The following PXK variants were observed in gnomAD, a reference collection of about 807,000 sequenced individuals.
The protein encoded by PXK is PX domain containing serine/threonine kinase like, also known as PX domain-containing protein kinase-like protein.
In PXK, 35 loss-of-function variants were observed where a neutral mutation model predicts 84.7. That is an observed-to-expected ratio of 0.41 (90% CI 0.32 to 0.55). PXK has a LOEUF of 0.55. Among genes scored for constraint, PXK ranks in the 20% least tolerant of loss-of-function variants. PXK has a pLI of 0.21. For synonymous variants in PXK, 253 were observed against 260.8 expected, an observed-to-expected ratio of 0.97 and a Z score of 0.29; for missense variants, 634 against 699.7, an observed-to-expected ratio of 0.91 and a Z score of 1.06.
At chr3:58,359,579 C>T (rs1444904552) in intron 1 of PXK, among the ~76,000 whole-genome samples, 1 of 151,352 alleles carries the variant, frequency 6.6e-6, no homozygotes, top group Non-Finnish European at 1.5e-5. Context: ...ATGAAGCAAT[C>T]GATGCGCAAA....
chr3:58,373,299 T>A (rs2098403746), intron 3 of PXK, among the ~76,000 whole-genome samples: 1 of 148,536 alleles, frequency 6.7e-6, no homozygotes, highest in Non-Finnish European at 1.5e-5. Flanking sequence ...AGGATGGTGA[T>A]CTCCTGACCT....
intron 2 of PXK, among the ~76,000 whole-genome samples, chr3:58,367,632 G>T (rs536662264): frequency 6.6e-6 from 1 of 152,246 alleles, no homozygotes; most frequent in African/African-American, 2.4e-5. Flanking sequence ...TTGATTTGAT[G>T]AAGAATGGAT....
At chr3:58,405,291 GA>G (rs1432567578) in intron 13 of PXK, among the ~76,000 whole-genome samples, 1 of 151,318 alleles carries the variant, frequency 6.6e-6, no homozygotes, top group African/African-American at 2.4e-5. Context: ...TTTTTAATTT[GA>G]AATTTTTACA....
At position 58,398,524 on chromosome 3, in the gene PXK, C is replaced by T. The variant is rs2058075636; in HGVS notation, c.1103-775C>T. Among the ~76,000 whole-genome samples, 1 of 152,160 alleles carries T rather than the reference C, an allele frequency of 6.6e-6. No homozygotes were observed. The highest frequency in any genetic ancestry group is 1.5e-5 in the Non-Finnish European group (1 of 68,018). On this transcript the variant is annotated intron_variant, in intron 11 of 17. Transcript: ENST00000356151. This position sits in a 1 kb window ranked among gnomAD's most constrained non-coding sequence, Gnocchi z 4.5. ...ATGCAGACACCAAGACAAATTGGAT[C>T]CAGGAGCTCTTACAGCATTACCTGC...
chr3:58,382,135 G>A (rs2098509377), intron 3 of PXK, among the ~76,000 whole-genome samples: 2 of 152,102 alleles, frequency 1.3e-5, no homozygotes, highest in Non-Finnish European at 2.9e-5. Context: ...GGCCAACATG[G>A]TAAAACCCTG....
Position 58,397,108 on chromosome 3 carries a change from G to T in PXK, c.892G>T (p.Gly298Trp). ...TCACGCCTCCAATGTGATGCTCGAT[G>T]GGGACACTTGCCGGCTGCTGGACCT... Reference protein sequence around the residue: ...HLHASNVMLDGDTCRLLDLEN... With the variant: ...HLHASNVMLDWDTCRLLDLEN... The change falls in exon 10 of 18, where the codon GGG (glycine) becomes TGG (tryptophan). Residue 298 changes from glycine to tryptophan, a missense_variant. By Grantham distance (184) the Gly-to-Trp change is radical (BLOSUM62 -2). Coordinates refer to ENST00000356151, the MANE Select transcript of PXK (RefSeq NM_017771.5). This position sits in a 1 kb window ranked among gnomAD's most constrained non-coding sequence, Gnocchi z 4.7. The T allele has an allele frequency of 6.2e-7, 1 of 1,614,160 alleles. No individual in the cohort carries two copies. Among genetic ancestry groups the T allele is most frequent in the Non-Finnish European group, 8.5e-7 (1 of 1,179,994 alleles).
intron 1 of PXK, among the ~76,000 whole-genome samples, chr3:58,341,274 G>A (rs1410367269): frequency 6.6e-6 from 1 of 152,054 alleles, no homozygotes; most frequent in African/African-American, 2.4e-5. Context: ...AATATCAAGT[G>A]TTTTGAGCCA....
At chr3:58,355,790 C>G (rs955710323) in intron 1 of PXK, among the ~76,000 whole-genome samples, 1 of 152,190 alleles carries the variant, frequency 6.6e-6, no homozygotes, top group African/African-American at 2.4e-5. Context: ...CCAGCTCAGT[C>G]CATGGACTAG....
At chr3:58,403,840 T>C in intron 12 of PXK, 22 bp from the exon 13 acceptor site, 1 of 1,506,608 alleles carries the variant, frequency 6.6e-7, no homozygotes, top group East Asian at 2.3e-5. Context: ...GAAAGATTTT[T>C]GTTTGTTTCT....
rs559032964 is a variant in PXK, at chr3:58,399,681, T to C, written c.1181+304T>C. Among the ~76,000 whole-genome samples, 12 of 152,184 alleles carry C rather than the reference T, an allele frequency of 7.9e-5. No homozygotes were observed. The East Asian group carries it at 2.3e-3, about 29-fold the overall frequency. On this transcript the variant is annotated intron_variant, in intron 12 of 17. Coordinates refer to ENST00000356151, the MANE Select transcript of PXK (RefSeq NM_017771.5). This position sits in a 1 kb window ranked among gnomAD's most constrained non-coding sequence, Gnocchi z 4.3. ...TGCGTATGTGTCGCAGCCCCCAGCT[T>C]AGGAAATACTGAAGGAGGGCCCTCT...
intron 17 of PXK, chr3:58,422,202 G>C (rs756249550): frequency 1.1e-4 from 112 of 985,332 alleles, no homozygotes; most frequent in Non-Finnish European, 1.3e-4. Context: ...GGGGCAGACT[G>C]AGTGAGACCG....
chr3:58,421,025 T>C lies in PXK; in HGVS notation c.1529-3727T>C, dbSNP rs140593857. On this transcript the variant is annotated intron_variant, in intron 17 of 17. Coordinates refer to ENST00000356151, the MANE Select transcript of PXK (RefSeq NM_017771.5). The surrounding 1 kb of genome is among the most constrained non-coding windows in gnomAD (Gnocchi z 5.5). ...TGACGGTAGGGAAAAACAGTTCTTT[T>C]GTAAGCATCCTTTATAATTCTCGAG... The C allele has an allele frequency of 2.1e-4, 212 of 1,002,504 alleles. No homozygotes were observed. The African/African-American group carries it at 3.6e-3, about 17-fold the overall frequency. 62.1% of individuals were successfully genotyped at this position (1,002,504 alleles called of 1,614,324 possible). A position where few individuals can be genotyped will look rare whatever the true frequency, so the allele number is the denominator to read the frequency against.
chr3:58,394,972 T>C lies in PXK; in HGVS notation c.616-26T>C, dbSNP rs772854511. ...GGACCTAGATCCTGACGCAAATCAA[T>C]GTGAATTTCTTTTTTGTTTTGACAG... On this transcript the variant is annotated intron_variant, in intron 7 of 17. Coordinates refer to ENST00000356151, the MANE Select transcript of PXK (RefSeq NM_017771.5). 4.5e-6 allele frequency: 7 copies of C among 1,542,698 alleles called. No homozygotes were observed. The South Asian group carries it at 6.7e-5, about 15-fold the overall frequency.
chr3:58,386,736 C>G (rs2098555244), intron 4 of PXK, among the ~76,000 whole-genome samples: 1 of 152,142 alleles, frequency 6.6e-6, no homozygotes, highest in South Asian at 2.1e-4. Context: ...AACCAGAAAT[C>G]AAGAGGCCTG....
chr3:58,372,087 GA>G (rs370029021), intron 3 of PXK, among the ~76,000 whole-genome samples: 2,154 of 151,406 alleles, frequency 0.014, 63 homozygotes, highest in African/African-American at 0.049. Context: ...ATGTCTAAGT[GA>G]AAAAAAAGCA....
chr3:58,356,008 T>A (rs1331809664), intron 1 of PXK, among the ~76,000 whole-genome samples: 1 of 152,192 alleles, frequency 6.6e-6, no homozygotes, highest in Non-Finnish European at 1.5e-5. Flanking sequence ...GCTGTGAGGA[T>A]TAATGAGAAG....
chr3:58,377,567 C>G (rs2098453905), intron 3 of PXK, among the ~76,000 whole-genome samples: 2 of 149,090 alleles, frequency 1.3e-5, no homozygotes, highest in Admixed American at 1.3e-4. Flanking sequence ...TTACTTGCAA[C>G]CAGGAGTTCA....
rs2098241989 is a variant in PXK, at chr3:58,364,558, A to G, written c.103-1316A>G. On this transcript the variant is annotated intron_variant, in intron 1 of 17. Transcript: ENST00000356151. This position sits in a 1 kb window ranked among gnomAD's most constrained non-coding sequence, Gnocchi z 4.3. The stretch of plus-strand genomic sequence containing the variant: ...GAAACCCCATCTCCGCTAAAAACAC[A>G]AAAATTAGCCGGGAACAGTGGCAGG... Among the ~76,000 whole-genome samples, 1 of 152,148 alleles carries G rather than the reference A, an allele frequency of 6.6e-6. No individual in the cohort carries two copies. Among genetic ancestry groups the G allele is most frequent in the Non-Finnish European group, 1.5e-5 (1 of 68,032 alleles).
intron 1 of PXK, among the ~76,000 whole-genome samples, chr3:58,349,459 G>A (rs948400164): frequency 1.3e-5 from 2 of 151,034 alleles, no homozygotes; most frequent in Non-Finnish European, 1.5e-5. Flanking sequence ...CGGTTCAAGC[G>A]ATTCTCCTGC....
Sources: allele counts gnomAD v4.1 joint callset (sites outside exome capture counted in the v4.1 genomes callset), GRCh38; gene constraint gnomAD v4.1.1; non-coding constraint Gnocchi (gnomAD v3.1); transcripts MANE v1.5; gene names NCBI Gene and HGNC (gene_info 2026-07-23, HGNC 2026-07-21).